STK3: variants seen among roughly 807,000 people sequenced by gnomAD.
STK3 encodes serine/threonine-protein kinase 3.
Under a neutral mutation model 58.0 loss-of-function variants are expected in STK3, and 41 were observed. That is an observed-to-expected ratio of 0.71 (90% CI 0.55 to 0.92). STK3 has a LOEUF of 0.92. Among genes scored for constraint, STK3 ranks in the 40% least tolerant of loss-of-function variants. The pLI is 0.00. For missense variants in STK3, 479 were observed against 602.7 expected, an observed-to-expected ratio of 0.79 and a Z score of 2.15; for synonymous variants, 170 against 191.0, an observed-to-expected ratio of 0.89 and a Z score of 0.91.
chr8:98,400,534 CT>C (rs1817932498), downstream of STK3, among the ~76,000 whole-genome samples: 1 of 152,244 alleles, frequency 6.6e-6, no homozygotes, highest in African/African-American at 2.4e-5. Context: ...AGGTCTGACC[CT>C]TCTGACCCTC....
At chr8:98,349,109 T>C in the STK3 span, among the ~76,000 whole-genome samples, 1 of 152,162 alleles carries the variant, frequency 6.6e-6, no homozygotes. Flanking sequence ...TGAAAACACA[T>C]AGAGGGAACT....
At chr8:98,922,182 G>C (rs969156353) in intron 1 of STK3, among the ~76,000 whole-genome samples, 21 of 152,190 alleles carry the variant, frequency 1.4e-4, no homozygotes, top group African/African-American at 5.1e-4. Context: ...TTCTGGCATT[G>C]CCCTTTCTTC....
chr8:98,674,490 T>C (rs372116162), intron 6 of STK3, among the ~76,000 whole-genome samples: 21 of 152,064 alleles, frequency 1.4e-4, no homozygotes, highest in African/African-American at 5.1e-4. Flanking sequence ...AGGGCTAGAT[T>C]TGTGGATATG....
intron 1 of STK3, among the ~76,000 whole-genome samples, chr8:98,381,532 G>A (rs1477766964): frequency 1.3e-5 from 2 of 152,194 alleles, no homozygotes; most frequent in Admixed American, 6.5e-5. Flanking sequence ...ATTCTAGTCC[G>A]CAATGTCTCC....
At chr8:98,820,645 G>A (rs989440024) in intron 1 of STK3, among the ~76,000 whole-genome samples, 4 of 152,110 alleles carry the variant, frequency 2.6e-5, no homozygotes, top group South Asian at 4.1e-4. Context: ...GGACTATTAT[G>A]TGGTCATTTT....
At chr8:98,637,430 G>A (rs73699914) in intron 6 of STK3, among the ~76,000 whole-genome samples, 65 of 152,218 alleles carry the variant, frequency 4.3e-4, no homozygotes, top group African/African-American at 9.4e-4. Context: ...AGGAAGAAAC[G>A]AGTGAGTTCT....
At chr8:98,398,355 G>T (rs994131055), downstream of STK3, among the ~76,000 whole-genome samples, 5 of 152,138 alleles carry the variant, frequency 3.3e-5, no homozygotes, top group African/African-American at 1.2e-4. Context: ...ACTTCTCCTA[G>T]TTTCCCACAA....
intron 3 of STK3, among the ~76,000 whole-genome samples, chr8:98,757,329 C>A (rs1007944430): frequency 6.6e-6 from 1 of 150,680 alleles, no homozygotes; most frequent in South Asian, 2.1e-4. Flanking sequence ...TACAGGCACC[C>A]GCCACCATGC....
At chr8:98,763,970 C>A (rs748909357) in intron 3 of STK3, among the ~76,000 whole-genome samples, 6 of 152,128 alleles carry the variant, frequency 3.9e-5, no homozygotes, top group Non-Finnish European at 5.9e-5. Flanking sequence ...CCACCATGCC[C>A]GGCCCTAATT....
intron 6 of STK3, among the ~76,000 whole-genome samples, chr8:98,687,488 G>A (rs540084408): frequency 6.3e-4 from 96 of 152,232 alleles, no homozygotes; most frequent in African/African-American, 2.0e-3. Flanking sequence ...TGTGTGACCC[G>A]GTTCCTAACA....
At chr8:98,414,736 A>G (rs2131045715) in intron 3 of STK3, among the ~76,000 whole-genome samples, 1 of 152,280 alleles carries the variant, frequency 6.6e-6, no homozygotes, top group South Asian at 2.1e-4. Flanking sequence ...GTTCTGACAA[A>G]TGACATGCCA....
chr8:98,489,813 C>G (rs916688843), intron 10 of STK3, among the ~76,000 whole-genome samples: 8 of 152,104 alleles, frequency 5.3e-5, no homozygotes, highest in African/African-American at 1.9e-4. Flanking sequence ...CTCACTTATG[C>G]AATTAATTCA....
chr8:98,611,221 C>A (rs1401327211), intron 6 of STK3, among the ~76,000 whole-genome samples: 4 of 151,800 alleles, frequency 2.6e-5, no homozygotes. Context: ...CAGTACAAAT[C>A]AATTTCACAA....
chr8:98,799,623 A>C (rs1833388587), intron 1 of STK3, among the ~76,000 whole-genome samples: 1 of 152,054 alleles, frequency 6.6e-6, no homozygotes, highest in East Asian at 1.9e-4. Context: ...AGTCTTTCCA[A>C]GTTCCAACAT....
At chr8:98,368,294 GACTT>G (rs1817582421), downstream of STK3, among the ~76,000 whole-genome samples, 1 of 152,290 alleles carries the variant, frequency 6.6e-6, no homozygotes, top group Admixed American at 6.5e-5. Flanking sequence ...TCTGGAAACT[GACTT>G]ACTTGGAAAG....
intron 6 of STK3, among the ~76,000 whole-genome samples, chr8:98,658,262 GA>G (rs982837051): frequency 1.3e-5 from 2 of 151,710 alleles, no homozygotes; most frequent in Non-Finnish European, 2.9e-5. Flanking sequence ...GTGCGGTAGA[GA>G]AAAAAAATGA....
At chr8:98,905,049 T>C in intron 1 of STK3, 3 of 975,864 alleles carry the variant, frequency 3.1e-6, no homozygotes, top group South Asian at 2.5e-5. Context: ...GGATTCCCCA[T>C]AGCCCATGGT....
intron 3 of STK3, among the ~76,000 whole-genome samples, chr8:98,426,656 C>T (rs574336177): frequency 6.6e-6 from 1 of 152,228 alleles, no homozygotes; most frequent in East Asian, 1.9e-4. Flanking sequence ...GGAGTTCCTC[C>T]GGTCCCGCCC....
In STK3 at chr8:98,573,979, A is replaced by C. The variant is rs574059304; in HGVS notation, c.948+5685T>G. ...AAACCATCAGACCTCATGATAACTCACTCATTATCATGAGAACAGCATGTG... is the reference window on the plus strand; with the variant it reads ...AAACCATCAGACCTCATGATAACTCCCTCATTATCATGAGAACAGCATGTG... On this transcript the variant is annotated intron_variant, in intron 8 of 10. Coordinates refer to ENST00000419617, the MANE Select transcript of STK3 (RefSeq NM_006281.4). Among the ~76,000 whole-genome samples the C allele has an allele frequency of 5.9e-5, 9 of 151,864 alleles. No individual in the cohort carries two copies. The East Asian group carries it at 9.8e-4, about 16-fold the overall frequency.
Sources: allele counts gnomAD v4.1 joint callset (sites outside exome capture counted in the v4.1 genomes callset), GRCh38; gene constraint gnomAD v4.1.1; transcripts MANE v1.5; gene names NCBI Gene and HGNC (gene_info 2026-07-23, HGNC 2026-07-21).